The following RFX3 variants were observed in gnomAD, a reference collection of about 807,000 sequenced individuals.
The protein encoded by RFX3 is regulatory factor X3.
In RFX3, 14 loss-of-function variants were observed where a neutral mutation model predicts 98.6. The ratio of observed to expected loss-of-function variants is 0.14; its 90% CI spans 0.09 to 0.22. RFX3 has a LOEUF of 0.22. Among genes scored for constraint, RFX3 ranks in the 10% least tolerant of loss-of-function variants. RFX3 has a pLI of 1.00. For synonymous variants in RFX3, 383 were observed against 328.4 expected (o/e 1.17, Z -1.80); for missense variants, 639 against 926.9 (o/e 0.69, Z 4.03).
At chr9:3,416,744 A>G (rs538595669) in intron 1 of RFX3, among the ~76,000 whole-genome samples, 23 of 152,330 alleles carry the variant, frequency 1.5e-4, no homozygotes, top group Non-Finnish European at 2.9e-4. Context: ...AAGTAGAGCA[A>G]TAAGTCAATT....
At chr9:3,400,525 T>C (rs1246215109) in intron 1 of RFX3, among the ~76,000 whole-genome samples, 1 of 152,246 alleles carries the variant, frequency 6.6e-6, no homozygotes, top group Non-Finnish European at 1.5e-5. Flanking sequence ...TACTTGGCTC[T>C]TGGAATATAG....
At chr9:3,339,918 G>A (rs1278073797) in intron 3 of RFX3, among the ~76,000 whole-genome samples, 6 of 151,776 alleles carry the variant, frequency 4.0e-5, no homozygotes, top group Non-Finnish European at 8.8e-5. Context: ...AGTTCATATG[G>A]AACCAAAAAA....
chr9:3,456,997 T>C (rs1847227498), intron 1 of RFX3, among the ~76,000 whole-genome samples: 1 of 151,686 alleles, frequency 6.6e-6, no homozygotes, highest in Non-Finnish European at 1.5e-5. Context: ...AGAAATTAGC[T>C]GGGTGTGGTG....
rs148247935 is a variant in RFX3 at position 3,314,900 on chromosome 9, C to T, written c.475-13280G>A. On this transcript the variant is annotated intron_variant, in intron 4 of 16. Coordinates refer to ENST00000617270, the MANE Select transcript of RFX3 (RefSeq NM_001282116.2). ...AAGTCCTTAGAGACCTACAAAGAGA[C>T]TTAGACATCCACACAATAATAATGG... Among the ~76,000 whole-genome samples, 18 of 152,288 alleles carry T rather than the reference C, an allele frequency of 1.2e-4. No homozygotes were observed. In the East Asian group the frequency reaches 3.3e-3, roughly 28 times the overall value.
intron 1 of RFX3, among the ~76,000 whole-genome samples, chr9:3,468,057 T>A (rs1379113674): frequency 6.6e-6 from 1 of 152,180 alleles, no homozygotes; most frequent in Non-Finnish European, 1.5e-5. Flanking sequence ...CAATCCTATG[T>A]GATTACCTTT....
chr9:3,235,545 T>C (rs544513948), intron 15 of RFX3, among the ~76,000 whole-genome samples: 1 of 152,328 alleles, frequency 6.6e-6, no homozygotes, highest in East Asian at 1.9e-4. Context: ...AAGTTCTAAA[T>C]GGGTTTGCAG....
chr9:3,514,776 TA>T (rs1378843054), intron 1 of RFX3, among the ~76,000 whole-genome samples: 1 of 152,216 alleles, frequency 6.6e-6, no homozygotes, highest in Admixed American at 6.5e-5. Flanking sequence ...ACATGCAATA[TA>T]ATCATTTTAT....
chr9:3,505,524 G>A (rs1816999636), intron 1 of RFX3, among the ~76,000 whole-genome samples: 2 of 51,940 alleles, frequency 3.9e-5, no homozygotes, highest in South Asian at 1.2e-3. Flanking sequence ...ATATAAAAAT[G>A]ATAAAAGGGG....
At chr9:3,354,980 A>T (rs1835580020) in intron 2 of RFX3, among the ~76,000 whole-genome samples, 1 of 151,936 alleles carries the variant, frequency 6.6e-6, no homozygotes, top group South Asian at 2.1e-4. Flanking sequence ...AAAGGACAGA[A>T]GAGGGAATTG....
At chr9:3,464,496 T>C (rs535263510) in intron 1 of RFX3, among the ~76,000 whole-genome samples, 6 of 152,252 alleles carry the variant, frequency 3.9e-5, no homozygotes, top group African/African-American at 1.4e-4. Context: ...AGCTAAAATC[T>C]AAAAGAGGCC....
chr9:3,424,532 T>C, intron 1 of RFX3, among the ~76,000 whole-genome samples: 1 of 151,488 alleles, frequency 6.6e-6, no homozygotes, highest in East Asian at 2.0e-4. Context: ...CGGATAATTT[T>C]TGTATTTTTA....
chr9:3,504,879 T>TTATATATAATATATCATATATTATATA (rs1816669272), intron 1 of RFX3, among the ~76,000 whole-genome samples: 2 of 53,184 alleles, frequency 3.8e-5, no homozygotes. Flanking sequence ...ATTATATATA[T>TTATATATAATATATCATATATTATATA]TATATATAAT....
chr9:3,394,792 T>C (rs1840686630), intron 2 of RFX3: 2 of 976,976 alleles, frequency 2.0e-6, no homozygotes, highest in Non-Finnish European at 2.4e-6. Flanking sequence ...CACCACTCTT[T>C]AGAAGAAATC....
intron 4 of RFX3, among the ~76,000 whole-genome samples, chr9:3,304,939 C>T (rs902878170): frequency 6.6e-6 from 1 of 151,926 alleles, no homozygotes; most frequent in Non-Finnish European, 1.5e-5. Context: ...GAGTCTTTAA[C>T]CCTTTTGAGG....
intron 1 of RFX3, among the ~76,000 whole-genome samples, chr9:3,424,241 G>T (rs1383982510): frequency 1.4e-5 from 2 of 144,374 alleles, no homozygotes; most frequent in East Asian, 4.2e-4. Context: ...ACCTCAATGA[G>T]AAAAAAATTT....
chr9:3,328,928 C>T lies in RFX3; in HGVS notation c.474+1331G>A, dbSNP rs544494691. ...ATCTCCTTAATTCAAATCCCCAGCACCCTTTTATATGTAATACCTAGAAAA... is the reference window on the plus strand; with the variant it reads ...ATCTCCTTAATTCAAATCCCCAGCATCCTTTTATATGTAATACCTAGAAAA... On this transcript the variant is annotated intron_variant, in intron 4 of 16. Transcript: ENST00000617270. 8.1e-4 allele frequency among the ~76,000 whole-genome samples: 123 copies of T among 152,194 alleles called. 1 individual carries two copies. Among genetic ancestry groups the T allele is most frequent in the African/African-American group, 2.8e-3 (117 of 41,514 alleles).
chr9:3,435,939 G>T (rs1268931212), intron 1 of RFX3, among the ~76,000 whole-genome samples: 1 of 151,740 alleles, frequency 6.6e-6, no homozygotes, highest in Non-Finnish European at 1.5e-5. Context: ...GCTCCCAGTT[G>T]GTCTACATTT....
intron 1 of RFX3, among the ~76,000 whole-genome samples, chr9:3,470,578 C>G (rs112608350): frequency 6.6e-6 from 1 of 152,020 alleles, no homozygotes; most frequent in African/African-American, 2.4e-5. Context: ...CCGCCCGCCT[C>G]GGCCTCCCAG....
At chr9:3,280,323 A>T (rs896362064) in intron 7 of RFX3, among the ~76,000 whole-genome samples, 1 of 151,854 alleles carries the variant, frequency 6.6e-6, no homozygotes, top group African/African-American at 2.4e-5. Flanking sequence ...GCCTGTAAGT[A>T]TGAGAGAGCT....
Sources: gnomAD v4.1 joint callset for allele counts (sites outside exome capture counted in the v4.1 genomes callset) on GRCh38, gnomAD v4.1.1 for gene constraint, MANE v1.5 for transcripts, NCBI Gene and HGNC (gene_info 2026-07-23, HGNC 2026-07-21) for gene names.